Variants in TMEM255A observed in about 807,000 individuals in gnomAD.
TMEM255A encodes transmembrane protein 255A, also known as family with sequence similarity 70, member A.
Under a neutral mutation model 23.5 loss-of-function variants are expected in TMEM255A, and 14 were observed. The observed-to-expected ratio is 0.60, with a 90% CI of 0.39 to 0.93. TMEM255A has a LOEUF of 0.93. TMEM255A is among the 40% of genes least tolerant of loss of function. TMEM255A has a pLI of 0.00. For missense variants in TMEM255A, 233 were observed against 261.7 expected (o/e 0.89, Z 0.76); for synonymous variants, 104 against 100.3 (o/e 1.04, Z -0.22).
intron 6 of TMEM255A, among the ~76,000 whole-genome samples, chrX:120,281,725 A>T (rs918156882): frequency 1.8e-5 from 2 of 112,493 alleles, no homozygotes; most frequent in African/African-American, 6.5e-5. Flanking sequence ...TGCTGTTCAC[A>T]AATCACTTCA....
At chrX:120,297,658 G>GT (rs1363606175) in intron 2 of TMEM255A, among the ~76,000 whole-genome samples, 28 of 111,255 alleles carry the variant, frequency 2.5e-4, no homozygotes, top group African/African-American at 8.2e-4. Context: ...ATAGATAATT[G>GT]TAAAGATGTA....
At chrX:120,252,555 T>A in the TMEM255A span, 2 of 112,293 alleles carry the variant, frequency 1.8e-5, no homozygotes, top group South Asian at 7.3e-4. Flanking sequence ...AAAATTCTCA[T>A]ACCAATGCAT....
chrX:120,311,354 C>A lies in TMEM255A; in HGVS notation c.-45G>T. ...CCCCAGTCCCCGAAGCTGCTTCAAG[C>A]GCCCCCGGCTCTGGGCGCCCCGCAG... On this transcript the variant is annotated 5_prime_UTR_variant, in exon 1 of 9. Transcript: ENST00000371369. The A allele has an allele frequency of 1.8e-6, 2 of 1,100,366 alleles. No individual in the cohort carries two copies. Among genetic ancestry groups the A allele is most frequent in the Non-Finnish European group, 2.5e-6 (2 of 811,223 alleles). The allele number at this position is 1,100,366 out of a possible 1,213,427, so 90.7% of individuals were successfully genotyped here.
chrX:120,275,561 G>T (rs1266410471), intron 7 of TMEM255A, among the ~76,000 whole-genome samples: 1 of 110,756 alleles, frequency 9.0e-6, no homozygotes, highest in East Asian at 2.8e-4. Flanking sequence ...CAAGGGCCTA[G>T]GAGCTAATTT....
chrX:120,293,867 C>T (rs782238247), intron 3 of TMEM255A, 122 bp downstream of exon 3: 14 of 479,973 alleles, frequency 2.9e-5, no homozygotes, highest in Admixed American at 2.7e-4. Context: ...TTAGGAGAAA[C>T]GGCAAAGTAG....
intron 2 of TMEM255A, among the ~76,000 whole-genome samples, chrX:120,298,988 G>A (rs1208426908): frequency 9.0e-6 from 1 of 111,544 alleles, no homozygotes; most frequent in Non-Finnish European, 1.9e-5. Flanking sequence ...TCAGAGGACT[G>A]TGAATTGGCA....
intron 6 of TMEM255A, among the ~76,000 whole-genome samples, chrX:120,277,706 A>T (rs782312862): frequency 4.5e-5 from 5 of 112,280 alleles, no homozygotes; most frequent in Non-Finnish European, 7.5e-5. Flanking sequence ...GGCTTCAAAG[A>T]CTTCAGTGTG....
intron 4 of TMEM255A, among the ~76,000 whole-genome samples, chrX:120,287,941 G>A (rs1305063844): frequency 9.0e-6 from 1 of 111,576 alleles, no homozygotes; most frequent in African/African-American, 3.3e-5. Context: ...GGGGGTTGGG[G>A]TAGAACCAAT....
At chrX:120,277,241 GA>G (rs1370805948) in intron 6 of TMEM255A, among the ~76,000 whole-genome samples, 194 bp from the exon 7 acceptor site, 24 of 110,881 alleles carry the variant, frequency 2.2e-4, no homozygotes, top group South Asian at 7.6e-4. Context: ...CCCACTCCCC[GA>G]AAAAAAACTC....
intron 2 of TMEM255A, among the ~76,000 whole-genome samples, chrX:120,304,016 T>C (rs2058048642): frequency 9.0e-6 from 1 of 111,043 alleles, no homozygotes; most frequent in Non-Finnish European, 1.9e-5. Context: ...CTATTATATA[T>C]GGGAATGCAG....
intron 6 of TMEM255A, among the ~76,000 whole-genome samples, chrX:120,280,825 C>T (rs1243100909): frequency 9.0e-6 from 1 of 111,036 alleles, no homozygotes; most frequent in African/African-American, 3.3e-5. Context: ...ATGCTGGGTA[C>T]TAATTCCAAA....
chrX:120,269,773 A>G (rs189311156), intron 7 of TMEM255A, among the ~76,000 whole-genome samples: 17 of 111,110 alleles, frequency 1.5e-4, no homozygotes, highest in African/African-American at 4.6e-4. Context: ...AAATGCCCTT[A>G]CCTCTCCCCC....
chrX:120,273,170 G>A (rs150590492), intron 7 of TMEM255A: 32 of 182,432 alleles, frequency 1.8e-4, no homozygotes, highest in African/African-American at 2.8e-4. Flanking sequence ...AAATTTCAAC[G>A]CTACTTTTGA....
chrX:120,259,089 G>C lies in TMEM255A; in HGVS notation c.*1781C>G, dbSNP rs1463003173. 2.8e-4 allele frequency: 31 copies of C among 112,547 alleles called. No individual in the cohort carries two copies. Among genetic ancestry groups the C allele is most frequent in the African/African-American group, 8.1e-4 (25 of 30,959 alleles). 9.3% of individuals were successfully genotyped at this position (112,547 alleles called of 1,213,427 possible). ...AAATGTGATAAATGTAGGATAAACTGTGTAATGGTGCCTTAAAAAATTAAA... is the reference window on the plus strand; with the variant it reads ...AAATGTGATAAATGTAGGATAAACTCTGTAATGGTGCCTTAAAAAATTAAA... On this transcript the variant is annotated 3_prime_UTR_variant, in exon 9 of 9. Coordinates refer to ENST00000371369, the MANE Select transcript of TMEM255A (RefSeq NM_001104544.3).
chrX:120,253,859 A>T, downstream of TMEM255A: 1 of 1,211,566 alleles, frequency 8.3e-7, no homozygotes, highest in Non-Finnish European at 1.1e-6. Flanking sequence ...AGAACCTTGT[A>T]ATACAGAAAT....
downstream of TMEM255A, chrX:120,258,153 T>G (rs1348626132): frequency 1.6e-5 from 2 of 123,279 alleles, no homozygotes; most frequent in Admixed American, 1.9e-4. Context: ...AAAAAAATGG[T>G]AAACACTGAT....
intron 1 of TMEM255A, 109 bp from the exon 2 acceptor site, chrX:120,304,600 A>G: frequency 1.1e-6 from 1 of 890,790 alleles, no homozygotes; most frequent in Non-Finnish European, 1.6e-6. Context: ...CCGGTAACTG[A>G]AGTTATCTTT....
At chrX:120,294,712 TA>T (rs782686425) in intron 2 of TMEM255A, among the ~76,000 whole-genome samples, 2 of 112,034 alleles carry the variant, frequency 1.8e-5, no homozygotes, top group East Asian at 5.6e-4. Context: ...ATTATATTTT[TA>T]TTTTTATCTT....
intron 7 of TMEM255A, among the ~76,000 whole-genome samples, chrX:120,275,784 A>ATTTTTTTTTTTTTTTTTTTTTT (rs11342181): frequency 5.0e-5 from 3 of 60,249 alleles, no homozygotes; most frequent in Admixed American, 2.6e-4. Flanking sequence ...GAGCCCAAGC[A>ATTTTTTTTTTTTTTTTTTTTTT]TTTTTTTTTT....
Sources: allele counts gnomAD v4.1 joint callset (sites outside exome capture counted in the v4.1 genomes callset), GRCh38; gene constraint gnomAD v4.1.1; transcripts MANE v1.5; gene names NCBI Gene and HGNC (gene_info 2026-07-23, HGNC 2026-07-21).